The following TMEM132B variants were observed in gnomAD, a reference collection of about 807,000 sequenced individuals.
The protein encoded by TMEM132B is transmembrane protein 132B.
A neutral mutation model predicts 90.8 loss-of-function variants in TMEM132B; 18 were observed. That is an observed-to-expected ratio of 0.20 (90% CI 0.14 to 0.29). The LOEUF is 0.29. Ranked by LOEUF, TMEM132B falls within the 10% of genes least tolerant of loss-of-function variation. The pLI is 1.00. For synonymous variants in TMEM132B, 504 were observed against 523.3 expected (o/e 0.96, Z 0.50); for missense variants, 1,096 against 1,326.8 (o/e 0.83, Z 2.70).
intron 1 of TMEM132B, among the ~76,000 whole-genome samples, chr12:125,331,264 T>C (rs1403570745): frequency 6.6e-6 from 1 of 152,236 alleles, no homozygotes; most frequent in Non-Finnish European, 1.5e-5. Context: ...CTCCGCTGAC[T>C]CTGAGCGACA....
intron 4 of TMEM132B, among the ~76,000 whole-genome samples, chr12:125,555,596 G>T (rs1041173776): frequency 6.7e-5 from 10 of 149,896 alleles, no homozygotes; most frequent in Admixed American, 5.3e-4. Context: ...GATAGCATTA[G>T]GAGATATACC....
intron 5 of TMEM132B, among the ~76,000 whole-genome samples, chr12:125,612,451 C>T (rs192129385): frequency 1.6e-3 from 235 of 150,390 alleles, no homozygotes; most frequent in African/African-American, 5.6e-3. Flanking sequence ...GGCACCAGAG[C>T]GAGACTCCAT....
chr12:125,328,180 T>C (rs1411341247), intron 1 of TMEM132B, among the ~76,000 whole-genome samples: 2 of 152,228 alleles, frequency 1.3e-5, no homozygotes, highest in Non-Finnish European at 2.9e-5. Context: ...GTCACTCAGG[T>C]GGCTTCCCAT....
At chr12:125,344,475 TAGA>T (rs1391076379) in intron 1 of TMEM132B, among the ~76,000 whole-genome samples, 1 of 152,134 alleles carries the variant, frequency 6.6e-6, no homozygotes, top group Admixed American at 6.5e-5. Flanking sequence ...GGTTAAGCAT[TAGA>T]ACCTGCTACA....
intron 3 of TMEM132B, among the ~76,000 whole-genome samples, chr12:125,477,927 A>G (rs2136517956): frequency 6.6e-6 from 1 of 152,346 alleles, no homozygotes; most frequent in East Asian, 1.9e-4. Flanking sequence ...GCTGTTCTGC[A>G]ATATTTGCTG....
chr12:125,258,679 T>G (rs985506062), intron 1 of TMEM132B, among the ~76,000 whole-genome samples: 3 of 152,036 alleles, frequency 2.0e-5, no homozygotes, highest in Admixed American at 6.5e-5. Flanking sequence ...ACCCCACTTC[T>G]TGGTGGGAAG....
intron 4 of TMEM132B, among the ~76,000 whole-genome samples, chr12:125,533,816 C>T (rs1883717336): frequency 6.6e-6 from 1 of 152,266 alleles, no homozygotes; most frequent in South Asian, 2.1e-4. Flanking sequence ...CTCAGCGCAG[C>T]CCGTGACCCC....
chr12:125,475,035 TG>T (rs1193484363), intron 3 of TMEM132B, among the ~76,000 whole-genome samples: 2 of 152,142 alleles, frequency 1.3e-5, no homozygotes, highest in African/African-American at 2.4e-5. Context: ...AGACAGAGTG[TG>T]GGAAGAAGTG....
chr12:125,252,853 G>A (rs1189171811), intron 1 of TMEM132B, among the ~76,000 whole-genome samples: 2 of 152,206 alleles, frequency 1.3e-5, no homozygotes, highest in Non-Finnish European at 2.9e-5. Context: ...CTGGGGAAAA[G>A]CTCAAATTGG....
At chr12:125,454,839 G>C (rs1881249792) in intron 3 of TMEM132B, among the ~76,000 whole-genome samples, 1 of 152,148 alleles carries the variant, frequency 6.6e-6, no homozygotes, top group Non-Finnish European at 1.5e-5. Context: ...ACTATCTCTA[G>C]GTTAAGAAGT....
chr12:125,477,474 C>A (rs142860559), intron 3 of TMEM132B, among the ~76,000 whole-genome samples: 214 of 152,184 alleles, frequency 1.4e-3, no homozygotes, highest in Middle Eastern at 3.4e-3. Context: ...ATTTCTTCAA[C>A]AGATTTTGCT....
At chr12:125,307,816 A>ATATACTTATAATC in intron 1 of TMEM132B, among the ~76,000 whole-genome samples, 1 of 3,204 alleles carries the variant, frequency 3.1e-4, no homozygotes, top group East Asian at 9.3e-3. Flanking sequence ...TACTTATAAT[A>ATATACTTATAATC]CTTATAAGTA....
intron 4 of TMEM132B, among the ~76,000 whole-genome samples, chr12:125,563,422 C>G (rs1884586485): frequency 6.6e-6 from 1 of 152,132 alleles, no homozygotes; most frequent in Admixed American, 6.5e-5. Flanking sequence ...ACCTGGCCAA[C>G]ACGGTGAAAC....
At chr12:125,279,055 G>T (rs1240189450) in intron 1 of TMEM132B, among the ~76,000 whole-genome samples, 4 of 152,234 alleles carry the variant, frequency 2.6e-5, no homozygotes, top group Non-Finnish European at 5.9e-5. Flanking sequence ...GCTGGGTACA[G>T]ACAGGGGTCA....
chr12:125,523,953 T>G (rs1475487062), intron 4 of TMEM132B, among the ~76,000 whole-genome samples: 1 of 152,156 alleles, frequency 6.6e-6, no homozygotes, highest in Non-Finnish European at 1.5e-5. Flanking sequence ...TTCACAGGCA[T>G]CCTCATCCCC....
intron 5 of TMEM132B, among the ~76,000 whole-genome samples, chr12:125,595,642 T>A (rs1885421596): frequency 6.6e-6 from 1 of 152,200 alleles, no homozygotes; most frequent in Admixed American, 6.5e-5. Context: ...CTGTGAGGCC[T>A]GACTGTGAGG....
rs537778380 is a variant in TMEM132B, at chr12:125,589,258, A to G, written c.1437+5264A>G. The stretch of plus-strand genomic sequence containing the variant: ...AGCACTTTGGGAGGCCAAGGCGGGC[A>G]GATCACGAGGTCAGGAGATCGAGAC... On this transcript the variant is annotated intron_variant, in intron 5 of 8. Coordinates refer to ENST00000682704, the MANE Select transcript of TMEM132B (RefSeq NM_001366854.1). Among the ~76,000 whole-genome samples, 225 of 152,108 alleles carry G rather than the reference A, an allele frequency of 1.5e-3. 5 individuals carry two copies. Among genetic ancestry groups the G allele is most frequent in the South Asian group, 0.015 (71 of 4,818 alleles).
chr12:125,609,425 C>T (rs1176921975), intron 5 of TMEM132B, among the ~76,000 whole-genome samples: 2 of 152,052 alleles, frequency 1.3e-5, no homozygotes, highest in Admixed American at 6.6e-5. Context: ...ATAGAATTAG[C>T]TTACCAATTT....
chr12:125,371,639 T>A (rs1878294693), intron 2 of TMEM132B, among the ~76,000 whole-genome samples: 1 of 152,216 alleles, frequency 6.6e-6, no homozygotes, highest in African/African-American at 2.4e-5. Context: ...TGTAATTGTG[T>A]TCACAGTAGA....
Sources: gnomAD v4.1 joint callset for allele counts (sites outside exome capture counted in the v4.1 genomes callset) on GRCh38, gnomAD v4.1.1 for gene constraint, MANE v1.5 for transcripts, NCBI Gene and HGNC (gene_info 2026-07-23, HGNC 2026-07-21) for gene names.